Variants in ERAP2 observed in about 807,000 individuals in gnomAD.
ERAP2 encodes leukocyte-derived arginine aminopeptidase.
In ERAP2, 118 loss-of-function variants were observed where a neutral mutation model predicts 111.1. That is an observed-to-expected ratio of 1.06 (90% CI 0.92 to 1.24). The LOEUF (loss-of-function observed/expected upper bound fraction) is 1.24, where lower values mean the gene tolerates loss of function less well. Among genes scored for constraint, ERAP2 ranks in the 50% most tolerant of loss-of-function variants. The pLI is 0.00. For missense variants in ERAP2, 1,131 were observed against 1,125.8 expected, an observed-to-expected ratio of 1.00 and a Z score of -0.07; for synonymous variants, 410 against 401.2, an observed-to-expected ratio of 1.02 and a Z score of -0.26.
At chr5:96,885,466 C>T (rs1326519521) in intron 3 of ERAP2, among the ~76,000 whole-genome samples, 1 of 152,178 alleles carries the variant, frequency 6.6e-6, no homozygotes, top group Non-Finnish European at 1.5e-5. Flanking sequence ...TCAGTACCTT[C>T]CTCTTTATTG....
chr5:96,891,506 T>TATGCGC (rs1456614558), intron 5 of ERAP2, among the ~76,000 whole-genome samples: 1 of 31,338 alleles, frequency 3.2e-5, no homozygotes, highest in African/African-American at 1.2e-4. Flanking sequence ...TGTGTATATA[T>TATGCGC]ATATATATAT....
chr5:96,909,873 A>AG, intron 15 of ERAP2, 109 bp downstream of exon 15: 1 of 1,122,892 alleles, frequency 8.9e-7, no homozygotes, highest in Non-Finnish European at 1.3e-6. Context: ...AGAAAAAAAA[A>AG]CATGCTGGGC....
chr5:96,917,585 T>A lies in ERAP2; in HGVS notation c.2863T>A (p.Trp955Arg). The change falls in exon 19 of 19, where the codon TGG (tryptophan) becomes AGG (arginine). Residue 955 changes from tryptophan (W) to arginine (R), a missense_variant. Coordinates refer to ENST00000437043, the MANE Select transcript of ERAP2 (RefSeq NM_022350.5). ...GAAGAATCTTCCGACTCTGAGGACT[T>A]GGCTAATGGTTAATACTTAAATGGT... ...LEKNLPTLRT[W>R]LMVNT is the part of the protein sequence containing the mutation. The A allele has an allele frequency of 5.0e-6, 8 of 1,613,518 alleles. No homozygotes were observed. Among genetic ancestry groups the A allele is most frequent in the Non-Finnish European group, 6.8e-6 (8 of 1,179,698 alleles).
intron 11 of ERAP2, 89 bp downstream of exon 11, chr5:96,901,770 T>G (rs1785496034): frequency 1.3e-5 from 17 of 1,317,810 alleles, no homozygotes; most frequent in Non-Finnish European, 1.8e-5. Context: ...CTGGCAACTT[T>G]GTAGGATGCT....
At chr5:96,889,557 C>A in intron 5 of ERAP2, 1 of 682,332 alleles carries the variant, frequency 1.5e-6, no homozygotes, top group South Asian at 1.7e-5. Context: ...CGAACTCTTT[C>A]CCAGGCTGAT....
In ERAP2 at chr5:96,915,678, T is replaced by A. The variant is rs766648646; in HGVS notation, c.2658-10T>A. On this transcript the variant is annotated splice_polypyrimidine_tract_variant and intron_variant, in intron 17 of 18. Coordinates refer to ENST00000437043, the MANE Select transcript of ERAP2 (RefSeq NM_022350.5). ...CTATGACTTTCTATGGTGTTTCTTT[T>A]TATTTTCAGATTTGACTTGGGCTCA... The A allele has an allele frequency of 6.6e-7, 1 of 1,506,164 alleles. No individual in the cohort carries two copies. Among genetic ancestry groups the A allele is most frequent in the Non-Finnish European group, 8.9e-7 (1 of 1,125,926 alleles). 93.3% of individuals were successfully genotyped at this position (1,506,164 alleles called of 1,614,324 possible).
intron 15 of ERAP2, 25 bp from the exon 16 acceptor site, chr5:96,912,612 T>A: frequency 6.4e-7 from 1 of 1,569,600 alleles, no homozygotes; most frequent in African/African-American, 1.4e-5. Flanking sequence ...AAACTTTTTC[T>A]TCATTTTTAT....
At chr5:96,897,919 G>C (rs115307192) in intron 9 of ERAP2, among the ~76,000 whole-genome samples, 5 of 152,106 alleles carry the variant, frequency 3.3e-5, no homozygotes, top group Non-Finnish European at 7.4e-5. Flanking sequence ...TTTCATGGCC[G>C]GGTACAATGG....
rs766033019 is a variant in ERAP2, at chr5:96,886,645, C to T, written c.715-10C>T. ...TTTCAAGTACTGATTATTCCTTTTC[C>T]TTTCTGTAGGTTAAGACAATTGAAC... On this transcript the variant is annotated splice_polypyrimidine_tract_variant and intron_variant, in intron 3 of 18. Coordinates refer to ENST00000437043, the MANE Select transcript of ERAP2 (RefSeq NM_022350.5). 6.7e-7 allele frequency: 1 copy of T among 1,494,398 alleles called. No homozygotes were observed. Among genetic ancestry groups the T allele is most frequent in the Non-Finnish European group, 9.1e-7 (1 of 1,102,874 alleles). The allele number at this position is 1,494,398 out of a possible 1,614,324, so 92.6% of individuals were successfully genotyped here.
Position 96,915,689 on chromosome 5 carries a change from T to C in ERAP2, c.2659T>C (p.Phe887Leu). The change falls in exon 18 of 19, where the codon TTT (phenylalanine) becomes CTT (leucine). Residue 887 changes from phenylalanine (F) to leucine (L), a missense_variant and splice_region_variant. By Grantham distance (22) the Phe-to-Leu change is conservative. This residue lies in a region of ERAP2 where 279 missense variants were observed against 250.9 expected (regional missense o/e 1.11). Coordinates refer to ENST00000437043, the MANE Select transcript of ERAP2 (RefSeq NM_022350.5). ...TATGGTGTTTCTTTTTATTTTCAGA[T>C]TTGACTTGGGCTCATATGACATAAG... ...RENWTHLLKK[F>L]DLGSYDIRMI... The C allele has an allele frequency of 2.0e-6, 3 of 1,513,106 alleles. No individual in the cohort carries two copies. The highest frequency in any genetic ancestry group is 1.8e-6 in the Non-Finnish European group (2 of 1,131,226). 93.7% of individuals were successfully genotyped at this position (1,513,106 alleles called of 1,614,324 possible).
intron 3 of ERAP2, among the ~76,000 whole-genome samples, chr5:96,886,151 C>T (rs1397379130): frequency 6.6e-6 from 1 of 152,196 alleles, no homozygotes; most frequent in Non-Finnish European, 1.5e-5. Flanking sequence ...TCTCTGTTTC[C>T]TCACCTGAGA....
intron 13 of ERAP2, among the ~76,000 whole-genome samples, chr5:96,908,212 T>G (rs562175764): frequency 6.6e-6 from 1 of 152,292 alleles, no homozygotes; most frequent in East Asian, 1.9e-4. Flanking sequence ...GGGAGTTGGG[T>G]GTTCACAAGA....
chr5:96,908,015 A>C (rs1030963188), intron 13 of ERAP2, among the ~76,000 whole-genome samples: 2 of 152,186 alleles, frequency 1.3e-5, no homozygotes, highest in Admixed American at 1.3e-4. Flanking sequence ...ATCGTGATTG[A>C]GAAGATTAAA....
intron 17 of ERAP2, 133 bp downstream of exon 17, chr5:96,913,590 C>T: frequency 9.4e-7 from 1 of 1,066,736 alleles, no homozygotes; most frequent in South Asian, 1.4e-5. Flanking sequence ...GTGGAGTCAA[C>T]TTTGAAACTC....
In ERAP2 at chr5:96,901,626, C is replaced by G. The variant is rs151035607; in HGVS notation, c.1693C>G (p.Arg565Gly). Residue 565 changes from arginine to glycine, a missense_variant, in exon 11 of 19, where the codon CGC (arginine) becomes GGC (glycine). This residue lies in a region of ERAP2 where 847 missense variants were observed against 856.5 expected (regional missense o/e 0.99). Transcript: ENST00000437043. ...DGCSLRLQQE[R>G]FLQGVFQEDP... ...GTGTTCACTCCGACTGCAACAGGAG[C>G]GCTTCCTCCAGGGGGTTTTCCAGGA... The G allele has an allele frequency of 1.9e-6, 3 of 1,614,070 alleles. No individual in the cohort carries two copies. The Admixed American group carries it at 5.0e-5, about 27-fold the overall frequency.
At chr5:96,881,228 G>A (rs778549862) in intron 2 of ERAP2, 1 of 357,966 alleles carries the variant, frequency 2.8e-6, no homozygotes, top group African/African-American at 2.1e-5. Context: ...TCTATGTTGA[G>A]GGTATGTTAT....
chr5:96,906,794 G>C (rs1426204110), intron 13 of ERAP2, among the ~76,000 whole-genome samples: 2 of 152,202 alleles, frequency 1.3e-5, no homozygotes, highest in African/African-American at 2.4e-5. Context: ...TACTTCGTGA[G>C]GCCAAGGCGG....
chr5:96,916,254 C>T (rs1023165209), intron 18 of ERAP2, among the ~76,000 whole-genome samples: 1 of 150,482 alleles, frequency 6.6e-6, no homozygotes, highest in Non-Finnish European at 1.5e-5. Flanking sequence ...AAACAAAAAA[C>T]AACAGCAAAA....
intron 4 of ERAP2, among the ~76,000 whole-genome samples, chr5:96,888,755 C>T (rs963255902): frequency 3.9e-5 from 6 of 152,170 alleles, no homozygotes; most frequent in African/African-American, 1.4e-4. Context: ...GAGGGCGGAT[C>T]CAATAAGTTC....
Sources: gnomAD v4.1 joint callset for allele counts (sites outside exome capture counted in the v4.1 genomes callset) on GRCh38, gnomAD v4.1.1 for gene constraint, gnomAD v4.1.1 regional missense constraint, MANE v1.5 for transcripts, NCBI Gene and HGNC (gene_info 2026-07-23, HGNC 2026-07-21) for gene names.